WDR27: variants seen among roughly 807,000 people sequenced by gnomAD.
WDR27 encodes WD repeat domain 27, also known as WD repeat-containing protein 27.
WDR27 carries 100 observed loss-of-function variants against 114.4 expected under a neutral mutation model. The observed-to-expected ratio is 0.87, with a 90% CI of 0.74 to 1.03. The LOEUF is 1.03. Among genes scored for constraint, WDR27 ranks in the 50% least tolerant of loss-of-function variants. WDR27 has a pLI of 0.00. For missense variants in WDR27, 1,129 were observed against 1,092.9 expected, an observed-to-expected ratio of 1.03 and a Z score of -0.47; for synonymous variants, 449 against 423.1, an observed-to-expected ratio of 1.06 and a Z score of -0.75.
At chr6:169,578,602 G>A (rs988218961) in intron 24 of WDR27, among the ~76,000 whole-genome samples, 2 of 152,174 alleles carry the variant, frequency 1.3e-5, no homozygotes, top group Admixed American at 6.6e-5. Flanking sequence ...GGGGATGCTG[G>A]TGCAAACTCT....
At chr6:169,658,410 G>A in intron 12 of WDR27, 52 bp from the exon 13 acceptor site, 6 of 1,369,036 alleles carry the variant, frequency 4.4e-6, no homozygotes, top group Non-Finnish European at 1.0e-6. Flanking sequence ...ACGATACGAT[G>A]GAAATGCCTC....
At chr6:169,481,203 C>T (rs1200071227) in intron 25 of WDR27, among the ~76,000 whole-genome samples, 1 of 152,074 alleles carries the variant, frequency 6.6e-6, no homozygotes. Context: ...ACTTGGAAAA[C>T]TTTTATGTCT....
intron 25 of WDR27, among the ~76,000 whole-genome samples, chr6:169,477,944 T>C (rs1428429837): frequency 6.6e-6 from 1 of 152,170 alleles, no homozygotes; most frequent in African/African-American, 2.4e-5. Context: ...ATCTATGCAA[T>C]GGAACTTGAC....
intron 2 of WDR27, among the ~76,000 whole-genome samples, chr6:169,679,811 A>G (rs6915955): frequency 0.4 from 60,726 of 152,092 alleles, 14,248 homozygotes; most frequent in East Asian, 0.94. Context: ...TTATAGCAAT[A>G]CAGAAATGGC....
chr6:169,680,113 T>C (rs901817262), intron 2 of WDR27, among the ~76,000 whole-genome samples: 1 of 152,198 alleles, frequency 6.6e-6, no homozygotes, highest in African/African-American at 2.4e-5. Flanking sequence ...AAGGCTGAAA[T>C]AATTTATCAC....
chr6:169,605,001 G>A (rs1032489315), intron 22 of WDR27, among the ~76,000 whole-genome samples: 2 of 147,994 alleles, frequency 1.4e-5, no homozygotes, highest in African/African-American at 5.0e-5. Context: ...ATACTGAATG[G>A]GGGAAAATTG....
chr6:169,439,579 G>T, the WDR27 span, among the ~76,000 whole-genome samples: 1 of 152,018 alleles, frequency 6.6e-6, no homozygotes, highest in Non-Finnish European at 1.5e-5. Context: ...AAATTTAATT[G>T]CCTGAGATTG....
chr6:169,636,544 G>T, intron 18 of WDR27, 40 bp from the exon 19 acceptor site: 2 of 1,552,262 alleles, frequency 1.3e-6, no homozygotes, highest in South Asian at 2.4e-5. Flanking sequence ...TATAATAAAT[G>T]TTAACAAAAA....
chr6:169,700,925 G>A (rs1787787599), intron 1 of WDR27, among the ~76,000 whole-genome samples: 1 of 152,134 alleles, frequency 6.6e-6, no homozygotes, highest in African/African-American at 2.4e-5. Flanking sequence ...GAACAAGTCA[G>A]GGAAAATAAA....
chr6:169,591,707 G>A lies in WDR27; in HGVS notation c.2425-8773C>T, dbSNP rs1210038861. Among the ~76,000 whole-genome samples, 2 of 152,228 alleles carry A rather than the reference G, an allele frequency of 1.3e-5. 1 individual carries two copies. Among genetic ancestry groups the A allele is most frequent in the Non-Finnish European group, 2.9e-5 (2 of 67,996 alleles). On this transcript the variant is annotated intron_variant, in intron 23 of 25. Coordinates refer to ENST00000448612, the MANE Select transcript of WDR27 (RefSeq NM_182552.5). Reference sequence around the variant, plus strand: ...TCTTTGGATGGTCAGCTAGCCCTCCGCTGGCCAACAGAATACGGCACAGGT... The same window carrying A: ...TCTTTGGATGGTCAGCTAGCCCTCCACTGGCCAACAGAATACGGCACAGGT...
intron 16 of WDR27, among the ~76,000 whole-genome samples, chr6:169,645,036 TAAAAAAAAAAAAAA>T (rs369797685): frequency 2.6e-5 from 2 of 76,926 alleles, no homozygotes; most frequent in South Asian, 4.2e-4. Flanking sequence ...AAAAAAAAAA[TAAAAAAAAAAAAAA>T]AAAAAAAAGA....
At chr6:169,498,811 G>T (rs2867164) in intron 25 of WDR27, among the ~76,000 whole-genome samples, 3 of 151,996 alleles carry the variant, frequency 2.0e-5, no homozygotes, top group African/African-American at 4.8e-5. Context: ...AGTTGCCAGG[G>T]GTTATGGATG....
intron 2 of WDR27, among the ~76,000 whole-genome samples, chr6:169,682,193 A>G (rs1781713050): frequency 6.6e-6 from 1 of 151,998 alleles, no homozygotes; most frequent in Non-Finnish European, 1.5e-5. Context: ...CTCTGAGCCA[A>G]CAAAATCAGC....
intron 23 of WDR27, among the ~76,000 whole-genome samples, chr6:169,593,531 T>C (rs77983924): frequency 0.023 from 3,437 of 152,294 alleles, 78 homozygotes; most frequent in East Asian, 0.088. Flanking sequence ...ATTAAGTTTA[T>C]TTTGTTGCTT....
intron 13 of WDR27, among the ~76,000 whole-genome samples, chr6:169,657,083 G>A (rs1362742088): frequency 6.6e-6 from 1 of 152,186 alleles, no homozygotes; most frequent in Non-Finnish European, 1.5e-5. Context: ...CATGGAAACA[G>A]GGCGGAGGAA....
intron 7 of WDR27, chr6:169,665,085 C>T (rs1200323613): frequency 7.0e-6 from 1 of 143,412 alleles, no homozygotes; most frequent in Non-Finnish European, 1.2e-5. Context: ...CTCCGGGGCG[C>T]GGGCAGCGTG....
At chr6:169,509,754 G>A (rs1792535759) in intron 25 of WDR27, among the ~76,000 whole-genome samples, 1 of 152,006 alleles carries the variant, frequency 6.6e-6, no homozygotes, top group Admixed American at 6.6e-5. Context: ...CAAAAGCAGT[G>A]GCAACAAAAG....
At chr6:169,656,720 C>A (rs542347659) in intron 13 of WDR27, among the ~76,000 whole-genome samples, 1 of 152,192 alleles carries the variant, frequency 6.6e-6, no homozygotes, top group South Asian at 2.1e-4. Flanking sequence ...CTCCCAGCTC[C>A]GCATTAGGCC....
At chr6:169,651,893 G>T in intron 14 of WDR27, 37 bp downstream of exon 14, 1 of 1,575,906 alleles carries the variant, frequency 6.3e-7, no homozygotes, top group South Asian at 1.1e-5. Flanking sequence ...TGTGACGCAG[G>T]TGCATTTCTG....
Sources: allele counts gnomAD v4.1 joint callset (sites outside exome capture counted in the v4.1 genomes callset), GRCh38; gene constraint gnomAD v4.1.1; transcripts MANE v1.5; gene names NCBI Gene and HGNC (gene_info 2026-07-23, HGNC 2026-07-21).